SPINK5: variants seen among roughly 807,000 people sequenced by gnomAD.
The protein encoded by SPINK5 is serine peptidase inhibitor Kazal type 5.
A neutral mutation model predicts 151.8 loss-of-function variants in SPINK5; 125 were observed. The observed-to-expected ratio is 0.82, with a 90% CI of 0.71 to 0.96. SPINK5 has a LOEUF of 0.96. Ranked by LOEUF, SPINK5 falls within the 40% of genes least tolerant of loss-of-function variation. The pLI, the probability that SPINK5 is intolerant of heterozygous loss-of-function variation, is 0.00. For synonymous variants in SPINK5, 374 were observed against 395.3 expected (o/e 0.95, Z 0.64); for missense variants, 1,194 against 1,291.9 (o/e 0.92, Z 1.16).
chr5:148,072,360 A>T, intron 4 of SPINK5, 140 bp downstream of exon 4: 1 of 845,246 alleles, frequency 1.2e-6, no homozygotes, highest in African/African-American at 1.7e-5. Context: ...GGGTTAGTCC[A>T]GGGGTGGGCT....
Position 148,121,840 on chromosome 5 carries a change from C to T in SPINK5, c.2538+1449C>T, listed in dbSNP as rs116863229. On this transcript the variant is annotated intron_variant, in intron 26 of 32. Coordinates refer to ENST00000256084, the MANE Select transcript of SPINK5 (RefSeq NM_006846.4). ...AAAAATAGCCAGGCATGATGGTGCACACCTGTAACTCTAGCTACTTGGGAG... is the reference window on the plus strand; with the variant it reads ...AAAAATAGCCAGGCATGATGGTGCATACCTGTAACTCTAGCTACTTGGGAG... 9.9e-4 allele frequency among the ~76,000 whole-genome samples: 150 copies of T among 151,676 alleles called. 1 individual carries two copies. The East Asian group carries it at 0.015, about 15-fold the overall frequency.
In SPINK5 at chr5:148,104,958, A is replaced by T; in HGVS notation, c.1437A>T (p.Gln479His). 6.2e-7 allele frequency: 1 copy of T among 1,613,472 alleles called. No individual in the cohort carries two copies. Reference sequence around the variant, plus strand: ...TCTTTTCGGTTTCTTAAAGTCAACAAGAAGAAAGAGCAAGAGCAAAGGCTA... The same window carrying T: ...TCTTTTCGGTTTCTTAAAGTCAACATGAAGAAAGAGCAAGAGCAAAGGCTA... ...TCSMCEAFFQ[Q>H]EERARAKAKR... The change falls in exon 16 of 33, where the codon CAA (glutamine) becomes CAT (histidine). Residue 479 changes from glutamine (Q) to histidine (H), a missense_variant. Gln to His is a conservative substitution (Grantham distance 24). Transcript: ENST00000256084.
chr5:148,113,720 T>C (rs1303031820), intron 20 of SPINK5, among the ~76,000 whole-genome samples: 1 of 142,524 alleles, frequency 7.0e-6, no homozygotes, highest in African/African-American at 2.7e-5. Flanking sequence ...TACAGTTGTA[T>C]TGCACAGTTG....
chr5:148,116,031 A>G (rs1360636620), intron 21 of SPINK5, among the ~76,000 whole-genome samples: 4 of 152,098 alleles, frequency 2.6e-5, no homozygotes, highest in African/African-American at 7.2e-5. Flanking sequence ...CATGTTGGCC[A>G]GACTGGTCTC....
At chr5:148,089,921 T>C (rs1341540474) in intron 7 of SPINK5, among the ~76,000 whole-genome samples, 2 of 151,904 alleles carry the variant, frequency 1.3e-5, no homozygotes, top group East Asian at 3.9e-4. Context: ...TTTTAAAATT[T>C]AGAAAGCACT....
At chr5:148,134,241 T>G (rs1391240059) in intron 32 of SPINK5, among the ~76,000 whole-genome samples, 2 of 152,152 alleles carry the variant, frequency 1.3e-5, no homozygotes, top group Admixed American at 6.5e-5. Flanking sequence ...CAGAGTTGGA[T>G]TTAAACAATT....
intron 7 of SPINK5, 157 bp from the exon 8 acceptor site, chr5:148,091,008 T>G (rs1051698805): frequency 1.6e-6 from 1 of 638,128 alleles, no homozygotes; most frequent in Non-Finnish European, 2.7e-6. Flanking sequence ...TGGCAATTTC[T>G]CTGGCTCAGG....
At position 148,108,804 on chromosome 5, in the gene SPINK5, C is replaced by T. The variant is rs2303071; in HGVS notation, c.1659C>T (p.Val553=). The change falls in exon 18 of 33, where the codon GTC becomes GTT. Residue 553 remains valine (V), a synonymous_variant. Transcript: ENST00000256084. Reference sequence around the variant, plus strand: ...ATGATAAAGAAGAAAAAGGGAAAGTCGAGGCTGAAAAAGTTAAGAGAGAAG... The same window carrying T: ...ATGATAAAGAAGAAAAAGGGAAAGTTGAGGCTGAAAAAGTTAAGAGAGAAG... ...KKNDKEEKGK[V]EAEKVKREAV... 864,579 of 1,610,638 alleles carry T rather than the reference C, an allele frequency of 0.54. 236,252 individuals are homozygous for T. The highest frequency in any genetic ancestry group is 0.76 in the African/African-American group (56,750 of 74,814).
chr5:148,108,973 T>G (rs1308092082), intron 18 of SPINK5, 136 bp downstream of exon 18: 1 of 1,417,116 alleles, frequency 7.1e-7, no homozygotes, highest in Non-Finnish European at 9.8e-7. Context: ...GATCCCCATA[T>G]ACAAGAGTAC....
chr5:148,103,188 G>A (rs1178918963), intron 15 of SPINK5, among the ~76,000 whole-genome samples: 2 of 152,038 alleles, frequency 1.3e-5, no homozygotes, highest in Admixed American at 6.6e-5. Context: ...TTTGTTGAAC[G>A]CATATAATTA....
chr5:148,126,877 C>A, intron 29 of SPINK5, 106 bp from the exon 30 acceptor site: 2 of 961,978 alleles, frequency 2.1e-6, no homozygotes, highest in Non-Finnish European at 1.6e-6. Flanking sequence ...CAGGCGTGAA[C>A]TACCATGCCT....
At chr5:148,111,246 A>G (rs969918364) in intron 18 of SPINK5, among the ~76,000 whole-genome samples, 2 of 151,832 alleles carry the variant, frequency 1.3e-5, no homozygotes, top group Non-Finnish European at 2.9e-5. Flanking sequence ...CTGTGGTTAC[A>G]TCTCCCTCTC....
chr5:148,128,839 G>A (rs73271170), intron 30 of SPINK5, among the ~76,000 whole-genome samples: 1,985 of 152,196 alleles, frequency 0.013, 46 homozygotes, highest in African/African-American at 0.045. Context: ...CATTATTTAC[G>A]TATGCTAGGT....
At chr5:148,117,483 TG>T (rs2113181993) in intron 22 of SPINK5, among the ~76,000 whole-genome samples, 1 of 152,322 alleles carries the variant, frequency 6.6e-6, no homozygotes, top group South Asian at 2.1e-4. Context: ...TGATGTCTGC[TG>T]CAACTATTTT....
chr5:148,080,986 G>T (rs1225273014), intron 4 of SPINK5, among the ~76,000 whole-genome samples: 2 of 151,510 alleles, frequency 1.3e-5, no homozygotes, highest in Non-Finnish European at 3.0e-5. Context: ...TTACACCAAA[G>T]ATATATGAAT....
At chr5:148,087,634 A>C (rs1349001803) in intron 5 of SPINK5, among the ~76,000 whole-genome samples, 1 of 151,836 alleles carries the variant, frequency 6.6e-6, no homozygotes, top group Non-Finnish European at 1.5e-5. Flanking sequence ...GTGTAGCACA[A>C]GTATGAGCAT....
At chr5:148,098,516 A>G (rs1753537706) in intron 11 of SPINK5, among the ~76,000 whole-genome samples, 1 of 152,124 alleles carries the variant, frequency 6.6e-6, no homozygotes, top group African/African-American at 2.4e-5. Flanking sequence ...TTAAGTATTT[A>G]ACTTATATTT....
chr5:148,104,334 C>T (rs1753724264), intron 15 of SPINK5, among the ~76,000 whole-genome samples: 1 of 152,092 alleles, frequency 6.6e-6, no homozygotes, highest in African/African-American at 2.4e-5. Context: ...ATAAATATTA[C>T]CTCTCCATAA....
At position 148,108,878 on chromosome 5, in the gene SPINK5, G is replaced by C. The variant is rs760839317; in HGVS notation, c.1692+41G>C. 3.1e-6 allele frequency: 5 copies of C among 1,607,644 alleles called. No individual in the cohort carries two copies. In the East Asian group the frequency reaches 6.7e-5, roughly 22 times the overall value. ...CATCAGAGCCACATAAATATTCAACGATCACTCTCCCTAGGGAGGGCTCCT... is the reference window on the plus strand; with the variant it reads ...CATCAGAGCCACATAAATATTCAACCATCACTCTCCCTAGGGAGGGCTCCT... On this transcript the variant is annotated intron_variant, in intron 18 of 32. Transcript: ENST00000256084.
Sources: gnomAD v4.1 joint callset for allele counts (sites outside exome capture counted in the v4.1 genomes callset) on GRCh38, gnomAD v4.1.1 for gene constraint, MANE v1.5 for transcripts, NCBI Gene and HGNC (gene_info 2026-07-23, HGNC 2026-07-21) for gene names.